The following CPVL variants were observed in gnomAD, a reference collection of about 807,000 sequenced individuals.
CPVL encodes the protein carboxypeptidase vitellogenic like.
In CPVL, 51 loss-of-function variants were observed where a neutral mutation model predicts 63.7. The ratio of observed to expected loss-of-function variants is 0.80; its 90% CI spans 0.64 to 1.01. The LOEUF (loss-of-function observed/expected upper bound fraction) is 1.01, where lower values mean the gene tolerates loss of function less well. Among genes scored for constraint, CPVL ranks in the 50% least tolerant of loss-of-function variants. The pLI, the probability that CPVL is intolerant of heterozygous loss-of-function variation, is 0.00. For synonymous variants in CPVL, 195 were observed against 206.0 expected, an observed-to-expected ratio of 0.95 and a Z score of 0.46; for missense variants, 530 against 573.1, an observed-to-expected ratio of 0.92 and a Z score of 0.77.
intron 12 of CPVL, among the ~76,000 whole-genome samples, chr7:29,027,004 C>G (rs1787563178): frequency 6.6e-6 from 1 of 152,080 alleles, no homozygotes; most frequent in Non-Finnish European, 1.5e-5. Flanking sequence ...GGCTATCATC[C>G]TGATACGAAA....
rs75905059 is a variant in CPVL, at chr7:29,022,507, C to A, written c.1320+8070G>T. 9.6e-3 allele frequency among the ~76,000 whole-genome samples: 1,460 copies of A among 152,266 alleles called. 24 individuals are homozygous for A. The highest frequency in any genetic ancestry group is 0.033 in the African/African-American group (1,386 of 41,560). ...CACATATGCCATCTAGAGGCCTAAGCATAGGCCTGCCTCTGCACTGCCTTC... is the reference window on the plus strand; with the variant it reads ...CACATATGCCATCTAGAGGCCTAAGAATAGGCCTGCCTCTGCACTGCCTTC... On this transcript the variant is annotated intron_variant, in intron 12 of 12. Transcript: ENST00000265394.
chr7:29,045,840 CA>C (rs1416067911), intron 11 of CPVL, among the ~76,000 whole-genome samples: 2 of 152,158 alleles, frequency 1.3e-5, no homozygotes, highest in Non-Finnish European at 2.9e-5. Flanking sequence ...ATTTACCTTT[CA>C]AACTTCTAAG....
intron 12 of CPVL, among the ~76,000 whole-genome samples, chr7:29,017,082 T>C (rs918869949): frequency 6.6e-6 from 1 of 152,120 alleles, no homozygotes; most frequent in Non-Finnish European, 1.5e-5. Context: ...TTGTCTACTA[T>C]CCAGGCCTGA....
chr7:29,017,585 A>G (rs1159230538), intron 12 of CPVL, among the ~76,000 whole-genome samples: 1 of 152,234 alleles, frequency 6.6e-6, no homozygotes, highest in Non-Finnish European at 1.5e-5. Flanking sequence ...GTAAGCCAAG[A>G]TCATGCCACT....
At chr7:29,055,298 G>A (rs1048600089) in intron 11 of CPVL, among the ~76,000 whole-genome samples, 2 of 152,104 alleles carry the variant, frequency 1.3e-5, no homozygotes, top group Admixed American at 1.3e-4. Context: ...CACCCAAACT[G>A]GAGTGCAGTG....
chr7:29,030,456 A>G (rs373577556), intron 12 of CPVL, 121 bp downstream of exon 12: 1 of 893,132 alleles, frequency 1.1e-6, no homozygotes, highest in Non-Finnish European at 1.7e-6. Context: ...GCCACAGAAG[A>G]CACACACTGG....
chr7:29,160,093 C>G (rs918729247), intron 5 of CPVL, among the ~76,000 whole-genome samples: 5 of 152,168 alleles, frequency 3.3e-5, no homozygotes, highest in Admixed American at 2.6e-4. Flanking sequence ...TTCTGGCTCT[C>G]TGATAAAGAA....
chr7:29,070,899 T>C (rs1783664139), intron 9 of CPVL, among the ~76,000 whole-genome samples: 1 of 152,242 alleles, frequency 6.6e-6, no homozygotes, highest in African/African-American at 2.4e-5. Flanking sequence ...CCCTTAAGAC[T>C]TAATATCAGA....
chr7:29,184,954 G>A (rs559222788), intron 3 of CPVL, among the ~76,000 whole-genome samples: 7 of 152,218 alleles, frequency 4.6e-5, no homozygotes, highest in South Asian at 2.1e-4. Flanking sequence ...AAATACTTTC[G>A]CCTCTCTGTT....
chr7:29,114,027 G>A (rs527431284), intron 2 of CPVL, among the ~76,000 whole-genome samples: 1 of 152,204 alleles, frequency 6.6e-6, no homozygotes, highest in Non-Finnish European at 1.5e-5. Context: ...GACTAAAGAT[G>A]CCTTTGACGG....
intron 3 of CPVL, among the ~76,000 whole-genome samples, chr7:29,100,253 C>G (rs1463885441): frequency 1.3e-5 from 2 of 152,194 alleles, no homozygotes; most frequent in African/African-American, 4.8e-5. Flanking sequence ...TGTGAACTCC[C>G]AGAAGCTGCA....
chr7:29,168,718 C>G (rs1190403600), intron 5 of CPVL, among the ~76,000 whole-genome samples: 1 of 152,212 alleles, frequency 6.6e-6, no homozygotes, highest in East Asian at 1.9e-4. Context: ...CTCAGCTAAT[C>G]AGATGGCTAA....
intron 11 of CPVL, among the ~76,000 whole-genome samples, chr7:29,044,745 A>T (rs1216125641): frequency 6.6e-6 from 1 of 152,250 alleles, no homozygotes; most frequent in East Asian, 1.9e-4. Context: ...AAGTAAAGTC[A>T]ACGGATGTAA....
intron 5 of CPVL, among the ~76,000 whole-genome samples, chr7:29,177,298 G>T (rs1256110082): frequency 6.6e-6 from 1 of 151,934 alleles, no homozygotes; most frequent in African/African-American, 2.4e-5. Context: ...CTGTCATCCA[G>T]GCTGGAGTGC....
downstream of CPVL, among the ~76,000 whole-genome samples, chr7:28,994,877 A>T (rs1490753109): frequency 2.0e-5 from 3 of 152,266 alleles, no homozygotes; most frequent in Admixed American, 2.0e-4. Context: ...GTCTTGTAGA[A>T]TTTCAGAGAT....
intron 3 of CPVL, among the ~76,000 whole-genome samples, chr7:29,101,899 C>T (rs915149117): frequency 1.3e-5 from 2 of 152,100 alleles, no homozygotes; most frequent in South Asian, 4.1e-4. Context: ...TATGCTTATT[C>T]ACTTAACAAT....
At chr7:29,023,400 TACTC>T (rs568640806) in intron 12 of CPVL, among the ~76,000 whole-genome samples, 16 of 152,160 alleles carry the variant, frequency 1.1e-4, no homozygotes, top group Non-Finnish European at 1.9e-4. Context: ...TCACAAGACT[TACTC>T]ACTATCACGA....
At chr7:29,058,132 A>G (rs1790926493) in intron 11 of CPVL, among the ~76,000 whole-genome samples, 1 of 152,166 alleles carries the variant, frequency 6.6e-6, no homozygotes, top group Non-Finnish European at 1.5e-5. Context: ...TCTTGACAAT[A>G]TTGAGTCTTC....
intron 5 of CPVL, among the ~76,000 whole-genome samples, chr7:29,169,187 G>A (rs940272224): frequency 6.6e-6 from 1 of 151,982 alleles, no homozygotes; most frequent in Non-Finnish European, 1.5e-5. Context: ...ATTCAGTACT[G>A]TTTTTGAAAG....
Sources: allele counts gnomAD v4.1 joint callset (sites outside exome capture counted in the v4.1 genomes callset), GRCh38; gene constraint gnomAD v4.1.1; transcripts MANE v1.5; gene names NCBI Gene and HGNC (gene_info 2026-07-23, HGNC 2026-07-21).